SPTLC3: variants seen among roughly 807,000 people sequenced by gnomAD.
The protein encoded by SPTLC3 is serine palmitoyltransferase 3.
In SPTLC3, 36 loss-of-function variants were observed where a neutral mutation model predicts 59.3. The ratio of observed to expected loss-of-function variants is 0.61; its 90% CI spans 0.47 to 0.80. The LOEUF is 0.80. Ranked by LOEUF, SPTLC3 falls within the 30% of genes least tolerant of loss-of-function variation. SPTLC3 has a pLI of 0.00. For synonymous variants in SPTLC3, 257 were observed against 240.8 expected (o/e 1.07, Z -0.62); for missense variants, 625 against 685.1 (o/e 0.91, Z 0.98).
chr20:13,027,165 G>A (rs79429044), intron 1 of SPTLC3, among the ~76,000 whole-genome samples: 7,361 of 152,208 alleles, frequency 0.048, 222 homozygotes, highest in South Asian at 0.084. Context: ...AAATAAACAG[G>A]TTGTATTTGA....
At chr20:13,070,575 A>G (rs181741369) in intron 2 of SPTLC3, among the ~76,000 whole-genome samples, 221 of 152,324 alleles carry the variant, frequency 1.5e-3, no homozygotes, top group Admixed American at 3.0e-3. Context: ...AAGTGCTCCA[A>G]AGCATAGGCG....
chr20:13,086,843 G>A (rs921164012), intron 4 of SPTLC3, among the ~76,000 whole-genome samples: 2 of 151,698 alleles, frequency 1.3e-5, no homozygotes, highest in Non-Finnish European at 2.9e-5. Context: ...ACCCAGGCTG[G>A]CATGCAGTGG....
At chr20:13,141,718 G>C (rs1275215311) in intron 9 of SPTLC3, among the ~76,000 whole-genome samples, 1 of 152,228 alleles carries the variant, frequency 6.6e-6, no homozygotes, top group Non-Finnish European at 1.5e-5. Flanking sequence ...AGGGCATGGA[G>C]AGCTGCATTT....
intron 8 of SPTLC3, among the ~76,000 whole-genome samples, chr20:13,119,199 C>T (rs1990762198): frequency 6.6e-6 from 1 of 152,224 alleles, no homozygotes. Context: ...TTCTGAACTA[C>T]AAAATTTTTA....
intron 6 of SPTLC3, among the ~76,000 whole-genome samples, chr20:13,109,094 CAT>C (rs1160465928): frequency 1.3e-5 from 2 of 152,182 alleles, no homozygotes; most frequent in African/African-American, 4.8e-5. Context: ...AATACACACA[CAT>C]GTACATATAT....
At chr20:13,099,778 G>C (rs1989540804) in intron 6 of SPTLC3, among the ~76,000 whole-genome samples, 2 of 152,202 alleles carry the variant, frequency 1.3e-5, no homozygotes, top group Admixed American at 1.3e-4. Context: ...GCTTTAGTAT[G>C]CAGTGATGTC....
At chr20:13,102,923 C>A (rs1989660996) in intron 6 of SPTLC3, among the ~76,000 whole-genome samples, 1 of 152,184 alleles carries the variant, frequency 6.6e-6, no homozygotes, top group Non-Finnish European at 1.5e-5. Flanking sequence ...CCTCCCCCTG[C>A]AGGGTAAACA....
intron 4 of SPTLC3, among the ~76,000 whole-genome samples, chr20:13,084,417 G>A (rs959387817): frequency 5.9e-5 from 9 of 152,180 alleles, no homozygotes; most frequent in African/African-American, 2.2e-4. Context: ...ACGGAATTGT[G>A]ATGAAGTGTT....
intron 2 of SPTLC3, among the ~76,000 whole-genome samples, chr20:13,056,173 A>G (rs1600236586): frequency 6.6e-6 from 1 of 152,212 alleles, no homozygotes; most frequent in East Asian, 1.9e-4. Flanking sequence ...ACCGCCCCAC[A>G]GGAGAAATGC....
At chr20:13,075,134 CAA>C (rs34927240) in intron 4 of SPTLC3, among the ~76,000 whole-genome samples, 42,873 of 136,988 alleles carry the variant, frequency 0.31, 6,126 homozygotes, top group Middle Eastern at 0.38. Flanking sequence ...TTCATTTATT[CAA>C]AAAAAAAAAA....
chr20:13,155,838 T>A (rs577186035), intron 10 of SPTLC3, among the ~76,000 whole-genome samples: 1 of 152,024 alleles, frequency 6.6e-6, no homozygotes, highest in African/African-American at 2.4e-5. Flanking sequence ...AAAATAATAA[T>A]AATAATAAGT....
chr20:13,094,877 G>T (rs1989359080), intron 6 of SPTLC3, among the ~76,000 whole-genome samples: 1 of 152,108 alleles, frequency 6.6e-6, no homozygotes, highest in Non-Finnish European at 1.5e-5. Flanking sequence ...AGACTTATAG[G>T]GTGGCTATAA....
intron 1 of SPTLC3, among the ~76,000 whole-genome samples, chr20:13,040,355 C>T (rs1297759262): frequency 6.6e-6 from 1 of 151,388 alleles, no homozygotes; most frequent in South Asian, 2.1e-4. Context: ...AGGGAAGAAA[C>T]GTGTATTTAT....
At chr20:13,084,890 G>A (rs1988955814) in intron 4 of SPTLC3, among the ~76,000 whole-genome samples, 1 of 152,170 alleles carries the variant, frequency 6.6e-6, no homozygotes, top group Non-Finnish European at 1.5e-5. Flanking sequence ...GAGACCAGGG[G>A]ATGAGAGAGA....
Position 13,160,148 on chromosome 20 carries a change from G to A in SPTLC3, c.1545+16G>A, listed in dbSNP as rs1413252535. 2.5e-6 allele frequency: 4 copies of A among 1,610,604 alleles called. No homozygotes were observed. The highest frequency in any genetic ancestry group is 1.1e-5 in the South Asian group (1 of 90,640). On this transcript the variant is annotated intron_variant, in intron 11 of 11. Transcript: ENST00000399002. ...GTTAGACACGGTGAGTACACCACAG[G>A]CCAACGGGATCTCAGTACCAGTACC... is the stretch of plus-strand genomic sequence containing the variant.
chr20:13,132,904 C>G (rs2038156637), intron 9 of SPTLC3: 1 of 153,162 alleles, frequency 6.5e-6, no homozygotes, highest in Non-Finnish European at 1.5e-5. Context: ...ATCTACCCTT[C>G]TCATGAAGTT....
intron 8 of SPTLC3, among the ~76,000 whole-genome samples, chr20:13,124,437 TG>T (rs1400259812): frequency 6.9e-6 from 1 of 145,786 alleles, no homozygotes. Context: ...GAATTTGAAA[TG>T]AAAAGAGAGA....
intron 9 of SPTLC3, among the ~76,000 whole-genome samples, chr20:13,133,775 A>G (rs2038180834): frequency 6.6e-6 from 1 of 152,266 alleles, no homozygotes; most frequent in East Asian, 1.9e-4. Context: ...ACTTACGTAC[A>G]GGGATGGTCC....
chr20:13,135,057 GTTCATGGTCACAACA>G (rs1313014720), intron 9 of SPTLC3, among the ~76,000 whole-genome samples: 1 of 152,198 alleles, frequency 6.6e-6, no homozygotes, highest in East Asian at 1.9e-4. Flanking sequence ...GTCATTAAGA[GTTCATGGTCACAACA>G]TTCATTTTAT....
Sources: allele counts gnomAD v4.1 joint callset (sites outside exome capture counted in the v4.1 genomes callset), GRCh38; gene constraint gnomAD v4.1.1; transcripts MANE v1.5; gene names NCBI Gene and HGNC (gene_info 2026-07-23, HGNC 2026-07-21).